The following CNTN4 variants were observed in gnomAD, a reference collection of about 807,000 sequenced individuals.
CNTN4 encodes contactin 4.
In CNTN4, 77 loss-of-function variants were observed where a neutral mutation model predicts 122.5. The ratio of observed to expected loss-of-function variants is 0.63; its 90% confidence interval spans 0.52 to 0.76. The LOEUF (loss-of-function observed/expected upper bound fraction) is 0.76. Ranked by LOEUF, CNTN4 falls within the 30% of genes least tolerant of loss-of-function variation. The pLI is 0.00. For missense variants in CNTN4, 1,256 were observed against 1,259.1 expected, an observed-to-expected ratio of 1.00 and a Z score of 0.04; for synonymous variants, 512 against 447.0, an observed-to-expected ratio of 1.15 and a Z score of -1.83.
chr3:2,107,112 A>G (rs761787386), intron 2 of CNTN4, among the ~76,000 whole-genome samples: 1 of 152,210 alleles, frequency 6.6e-6, no homozygotes, highest in Non-Finnish European at 1.5e-5. Context: ...CCAAGTCTCT[A>G]GTAAGTTCCA....
At chr3:2,117,957 CTTTT>C (rs2033474343) in intron 2 of CNTN4, among the ~76,000 whole-genome samples, 1 of 151,882 alleles carries the variant, frequency 6.6e-6, no homozygotes, top group African/African-American at 2.4e-5. Flanking sequence ...TTTTAAATAT[CTTTT>C]TTTCTGATTA....
At chr3:2,123,298 C>G (rs2033917187) in intron 2 of CNTN4, among the ~76,000 whole-genome samples, 1 of 152,202 alleles carries the variant, frequency 6.6e-6, no homozygotes, top group South Asian at 2.1e-4. Flanking sequence ...AGGTCAAGGT[C>G]ACATAACTAA....
intron 3 of CNTN4, among the ~76,000 whole-genome samples, chr3:2,558,004 T>C (rs34928854): frequency 0.083 from 12,626 of 152,220 alleles, 648 homozygotes; most frequent in Non-Finnish European, 0.11. Context: ...TCTGCAATGG[T>C]ATACTGTATG....
chr3:2,195,980 T>C (rs955979602), intron 2 of CNTN4, among the ~76,000 whole-genome samples: 3 of 152,232 alleles, frequency 2.0e-5, no homozygotes, highest in Admixed American at 1.3e-4. Context: ...ACTCACATGT[T>C]TGTCTGATCC....
chr3:2,763,841 G>A (rs1209201846), intron 6 of CNTN4, among the ~76,000 whole-genome samples: 2 of 152,034 alleles, frequency 1.3e-5, no homozygotes, highest in Non-Finnish European at 2.9e-5. Flanking sequence ...ATTGGTCTGT[G>A]TGTCTGTTTT....
chr3:2,326,320 C>T (rs1046083654), intron 2 of CNTN4, among the ~76,000 whole-genome samples: 7 of 152,100 alleles, frequency 4.6e-5, no homozygotes, highest in African/African-American at 1.7e-4. Flanking sequence ...TGTCAGCCTT[C>T]AGACTGGAAA....
intron 4 of CNTN4, among the ~76,000 whole-genome samples, chr3:2,676,287 C>G (rs891537688): frequency 1.3e-5 from 2 of 151,804 alleles, no homozygotes; most frequent in African/African-American, 4.8e-5. Context: ...AGTGGCATGC[C>G]TTTGGGTCAC....
chr3:2,314,365 G>C, intron 2 of CNTN4, among the ~76,000 whole-genome samples: 1 of 151,988 alleles, frequency 6.6e-6, no homozygotes, highest in Middle Eastern at 3.4e-3. Context: ...ATTTTTTAAT[G>C]AAATGTTTAT....
At chr3:2,396,670 T>A (rs1346483933) in intron 3 of CNTN4, among the ~76,000 whole-genome samples, 2 of 151,838 alleles carry the variant, frequency 1.3e-5, no homozygotes, top group East Asian at 1.9e-4. Flanking sequence ...TTTTTTTTTT[T>A]ATTAACCTCT....
At position 2,386,346 on chromosome 3, in the gene CNTN4, A is replaced by G. The variant is rs148998119; in HGVS notation, c.-89+47113A>G. On this transcript the variant is annotated intron_variant, in intron 3 of 24. Transcript: ENST00000418658. ...GGTGGTAAAGTTGCAGTATTGAGAC[A>G]TACAACCCATAGTTTTTCTGTCTGG... is the stretch of plus-strand genomic sequence containing the variant. Among the ~76,000 whole-genome samples the G allele has an allele frequency of 4.7e-3, 710 of 152,284 alleles. 2 individuals carry two copies. Among genetic ancestry groups the G allele is most frequent in the Middle Eastern group, 0.017 (5 of 294 alleles).
chr3:2,674,760 AAAAC>A (rs1333916142), intron 4 of CNTN4, among the ~76,000 whole-genome samples: 34 of 146,122 alleles, frequency 2.3e-4, no homozygotes, highest in African/African-American at 7.0e-4. Context: ...TTCGTCTCAA[AAAAC>A]AAACAAACAA....
chr3:2,156,805 A>G (rs1398698333), intron 2 of CNTN4, among the ~76,000 whole-genome samples: 1 of 152,040 alleles, frequency 6.6e-6, no homozygotes, highest in Non-Finnish European at 1.5e-5. Flanking sequence ...GATGATGTGT[A>G]TTAAGAGACC....
chr3:2,164,418 T>C (rs2036106235), intron 2 of CNTN4, among the ~76,000 whole-genome samples: 1 of 152,066 alleles, frequency 6.6e-6, no homozygotes, highest in Non-Finnish European at 1.5e-5. Context: ...TAACTAATAA[T>C]AGGAATTTTA....
chr3:2,365,835 G>A (rs2045355966), intron 3 of CNTN4, among the ~76,000 whole-genome samples: 2 of 152,208 alleles, frequency 1.3e-5, no homozygotes, highest in Admixed American at 6.5e-5. Context: ...AAAACAAAAC[G>A]TAAACACAAA....
At chr3:2,817,159 A>T (rs7620309) in intron 6 of CNTN4, among the ~76,000 whole-genome samples, 9,694 of 152,274 alleles carry the variant, frequency 0.064, 1,008 homozygotes, top group African/African-American at 0.22. Context: ...TTGCTATTAG[A>T]AACCTTTCCT....
intron 3 of CNTN4, among the ~76,000 whole-genome samples, chr3:2,441,176 CTGCAT>C (rs2048426368): frequency 6.6e-6 from 1 of 152,108 alleles, no homozygotes. Flanking sequence ...AAATGAGTTG[CTGCAT>C]TTTACCTTCA....
At chr3:2,328,726 G>A (rs1029641094) in intron 2 of CNTN4, among the ~76,000 whole-genome samples, 5 of 151,824 alleles carry the variant, frequency 3.3e-5, no homozygotes, top group African/African-American at 1.2e-4. Context: ...TATTTACATA[G>A]CATTTTCATT....
At chr3:2,283,905 C>G (rs2041813652) in intron 2 of CNTN4, among the ~76,000 whole-genome samples, 1 of 152,074 alleles carries the variant, frequency 6.6e-6, no homozygotes, top group East Asian at 1.9e-4. Flanking sequence ...GCATATTTCC[C>G]TTTATGAATT....
intron 13 of CNTN4, among the ~76,000 whole-genome samples, chr3:2,970,109 A>G (rs1692748679): frequency 6.6e-6 from 1 of 152,100 alleles, no homozygotes; most frequent in South Asian, 2.1e-4. Flanking sequence ...TGTTGTTTTA[A>G]GAGAGACAGT....
Sources: allele counts gnomAD v4.1 joint callset (sites outside exome capture counted in the v4.1 genomes callset), GRCh38; gene constraint gnomAD v4.1.1; transcripts MANE v1.5; gene names NCBI Gene and HGNC (gene_info 2026-07-23, HGNC 2026-07-21).